The following RGMA variants were observed in gnomAD, a reference collection of about 807,000 sequenced individuals.
RGMA encodes repulsive guidance molecule A.
Under a neutral mutation model 23.2 loss-of-function variants are expected in RGMA, and 10 were observed. That is an observed-to-expected ratio of 0.43 (90% CI 0.27 to 0.73). RGMA has a LOEUF of 0.73. Among genes scored for constraint, RGMA ranks in the 30% least tolerant of loss-of-function variants. RGMA has a pLI of 0.20. For missense variants in RGMA, 547 were observed against 630.5 expected, an observed-to-expected ratio of 0.87 and a Z score of 1.42; for synonymous variants, 308 against 279.3, an observed-to-expected ratio of 1.10 and a Z score of -1.03.
chr15:93,058,749 TCTTC>T (rs1297171944), intron 2 of RGMA, among the ~76,000 whole-genome samples: 1 of 144,366 alleles, frequency 6.9e-6, no homozygotes, highest in Non-Finnish European at 1.5e-5. Flanking sequence ...TGCATTCTCC[TCTTC>T]CTTCACACCT....
intron 2 of RGMA, among the ~76,000 whole-genome samples, chr15:93,069,000 T>C (rs1034150140): frequency 2.6e-5 from 4 of 152,336 alleles, no homozygotes; most frequent in East Asian, 3.9e-4. Context: ...CACCCACTTA[T>C]GGTATTTTGT....
chr15:93,057,562 C>T (rs572525348), intron 2 of RGMA, among the ~76,000 whole-genome samples: 9 of 152,226 alleles, frequency 5.9e-5, no homozygotes, highest in East Asian at 5.8e-4. Flanking sequence ...AGAAAATAAA[C>T]GTCTGTTGCT....
At chr15:93,059,586 G>C (rs2055069512) in intron 2 of RGMA, among the ~76,000 whole-genome samples, 1 of 152,210 alleles carries the variant, frequency 6.6e-6, no homozygotes. Flanking sequence ...TGGGAACGAT[G>C]GGTCCCAGAA....
chr15:93,083,800 G>A (rs779862197), intron 1 of RGMA, among the ~76,000 whole-genome samples: 8 of 152,208 alleles, frequency 5.3e-5, no homozygotes, highest in Non-Finnish European at 1.2e-4. Flanking sequence ...GGACCTGTGA[G>A]GGAATGCCAT....
chr15:93,057,801 A>C (rs2055038097), intron 2 of RGMA, among the ~76,000 whole-genome samples: 1 of 152,168 alleles, frequency 6.6e-6, no homozygotes. Context: ...GTTTTCGCCC[A>C]GGGATTGCCC....
Position 93,081,958 on chromosome 15 carries a change from G to T in RGMA, c.14+6961C>A, listed in dbSNP as rs189471188. Among the ~76,000 whole-genome samples, 217 of 152,320 alleles carry T rather than the reference G, an allele frequency of 1.4e-3. 2 individuals carry two copies. Among genetic ancestry groups the T allele is most frequent in the Non-Finnish European group, 2.1e-3 (146 of 68,038 alleles). On this transcript the variant is annotated intron_variant, in intron 1 of 3. Coordinates refer to ENST00000329082, the MANE Select transcript of RGMA (RefSeq NM_020211.3). ...AATTTCTTCACTTTTATATTACAGA[G>T]GCAATATAGCATGCTGGGCTAAGAA...
chr15:93,073,955 C>G, intron 1 of RGMA: 1 of 1,425,314 alleles, frequency 7.0e-7, no homozygotes, highest in Non-Finnish European at 9.1e-7. Context: ...CTGCGAGGCC[C>G]GCAAGGCTGC....
At chr15:93,055,339 T>C (rs1302234308) in intron 2 of RGMA, among the ~76,000 whole-genome samples, 11 of 152,076 alleles carry the variant, frequency 7.2e-5, no homozygotes, top group Non-Finnish European at 2.9e-5. Flanking sequence ...CCAAATCTGG[T>C]AGAACCTAGG....
intron 3 of RGMA, among the ~76,000 whole-genome samples, chr15:93,046,628 C>T (rs957183954): frequency 6.6e-6 from 1 of 152,088 alleles, no homozygotes; most frequent in African/African-American, 2.4e-5. Context: ...GGAAATGATG[C>T]TCAAAGAAAG....
chr15:93,055,444 G>T (rs917900179), intron 2 of RGMA, among the ~76,000 whole-genome samples: 2 of 152,250 alleles, frequency 1.3e-5, no homozygotes, highest in Non-Finnish European at 2.9e-5. Flanking sequence ...TTCCCGGTGC[G>T]ACTGCCATCC....
chr15:93,047,975 A>G (rs948439728), intron 3 of RGMA, among the ~76,000 whole-genome samples: 10 of 152,168 alleles, frequency 6.6e-5, no homozygotes, highest in African/African-American at 2.4e-5. Flanking sequence ...CCAGGAATGC[A>G]GCATGAGGCC....
chr15:93,071,857 A>G (rs2141839257), intron 2 of RGMA, among the ~76,000 whole-genome samples: 1 of 152,294 alleles, frequency 6.6e-6, no homozygotes, highest in African/African-American at 2.4e-5. Flanking sequence ...AACAAGATGA[A>G]ATTTTTTCAA....
chr15:93,059,706 C>T (rs912520842), intron 2 of RGMA, among the ~76,000 whole-genome samples: 5 of 152,194 alleles, frequency 3.3e-5, no homozygotes, highest in African/African-American at 7.2e-5. Flanking sequence ...CTTGCCTCCA[C>T]GGCACTAAAT....
chr15:93,066,171 A>C (rs1420488498), intron 2 of RGMA: 1 of 1,389,716 alleles, frequency 7.2e-7, no homozygotes, highest in Non-Finnish European at 1.0e-6. Flanking sequence ...CGGCTTCTGC[A>C]CCCTTCTCTC....
In RGMA at chr15:93,073,717, A is replaced by G. The variant is rs3942115; in HGVS notation, c.15-686T>C. ...CTCTCTGCATCTCAGCTACTAACGCACCTCGAGGTTCCCGCCCGTCGTGGC... is the reference window on the plus strand; with the variant it reads ...CTCTCTGCATCTCAGCTACTAACGCGCCTCGAGGTTCCCGCCCGTCGTGGC... On this transcript the variant is annotated intron_variant, in intron 1 of 3. Transcript: ENST00000329082. 8.5e-4 allele frequency: 1,300 copies of G among 1,537,098 alleles called. 9 individuals carry two copies. The African/African-American group carries it at 0.016, about 19-fold the overall frequency.
Position 93,043,434 on chromosome 15 carries a change from T to C in RGMA, c.*1564A>G, listed in dbSNP as rs533591949. 6.6e-6 allele frequency: 1 copy of C among 152,556 alleles called. No homozygotes were observed. The highest frequency in any genetic ancestry group is 2.1e-4 in the South Asian group (1 of 4,820). The allele number at this position is 152,556 out of a possible 1,614,324, so 9.5% of individuals were successfully genotyped here. A position where few individuals can be genotyped will look rare whatever the true frequency, so the allele number is the denominator to read the frequency against. ...AAGAAAATAACAAAAAAACCAAACT[T>C]TACTTGCATTTAGCCATTAATAAAT... is the stretch of plus-strand genomic sequence containing the variant. On this transcript the variant is annotated 3_prime_UTR_variant, in exon 4 of 4. Transcript: ENST00000329082.
At chr15:93,083,060 C>T (rs1043270612) in intron 1 of RGMA, among the ~76,000 whole-genome samples, 4 of 152,236 alleles carry the variant, frequency 2.6e-5, no homozygotes, top group Non-Finnish European at 4.4e-5. Context: ...TGTTGACTCC[C>T]GGCCGAGGCT....
intron 2 of RGMA, among the ~76,000 whole-genome samples, chr15:93,064,168 TG>T (rs36060311): frequency 1.3e-5 from 2 of 151,878 alleles, no homozygotes; most frequent in African/African-American, 4.8e-5. Context: ...GCAGCTTCAG[TG>T]GGGGGGCTGA....
At position 93,088,909 on chromosome 15, in the gene RGMA, C is replaced by T. The variant is rs759120477; in HGVS notation, c.14+10G>A. The stretch of plus-strand genomic sequence containing the variant: ...GAGCCGGGTCTGCCCGGCTCCCGAC[C>T]CGCGCTTACCTTGGCGGCTGCATGA... On this transcript the variant is annotated intron_variant, in intron 1 of 3. Transcript: ENST00000329082. The T allele has an allele frequency of 7.9e-5, 116 of 1,469,980 alleles. No individual in the cohort carries two copies. The highest frequency in any genetic ancestry group is 9.8e-5 in the Non-Finnish European group (110 of 1,120,400). 91.1% of individuals were successfully genotyped at this position (1,469,980 alleles called of 1,614,324 possible).
Sources: gnomAD v4.1 joint callset for allele counts (sites outside exome capture counted in the v4.1 genomes callset) on GRCh38, gnomAD v4.1.1 for gene constraint, MANE v1.5 for transcripts, NCBI Gene and HGNC (gene_info 2026-07-23, HGNC 2026-07-21) for gene names.